KIAA0586: variants seen among roughly 807,000 people sequenced by gnomAD.
KIAA0586 encodes the protein KIAA0586.
Under a neutral mutation model 169.8 loss-of-function variants are expected in KIAA0586, and 144 were observed. The ratio of observed to expected loss-of-function variants is 0.85; its 90% CI spans 0.74 to 0.97. The LOEUF (loss-of-function observed/expected upper bound fraction) is 0.97, where lower values mean the gene tolerates loss of function less well. Ranked by LOEUF, KIAA0586 falls within the 50% of genes least tolerant of loss-of-function variation. The probability of loss-of-function intolerance (pLI) is 0.00; values close to 1 mark genes in which losing one functional copy is unlikely to be tolerated. For missense variants in KIAA0586, 1,854 were observed against 1,823.0 expected (o/e 1.02, Z -0.31); for synonymous variants, 625 against 612.4 (o/e 1.02, Z -0.30).
intron 29 of KIAA0586, among the ~76,000 whole-genome samples, chr14:58,538,430 A>G (rs905311835): frequency 2.0e-5 from 3 of 152,080 alleles, no homozygotes; most frequent in African/African-American, 7.2e-5. Flanking sequence ...TTTTTAGTAT[A>G]AATTTTTTTT....
the KIAA0586 span, among the ~76,000 whole-genome samples, chr14:58,557,901 C>CT: frequency 0.21 from 8,658 of 42,072 alleles, 2,520 homozygotes; most frequent in East Asian, 0.41. Context: ...CCTGAGAAAT[C>CT]TTTTTTTTTT....
chr14:58,511,818 A>G (rs1364161654), intron 28 of KIAA0586, among the ~76,000 whole-genome samples: 1 of 152,140 alleles, frequency 6.6e-6, no homozygotes, highest in Non-Finnish European at 1.5e-5. Flanking sequence ...GTATTTATTG[A>G]TAAGGGTCCA....
intron 8 of KIAA0586, among the ~76,000 whole-genome samples, 165 bp downstream of exon 8, chr14:58,450,911 G>T (rs1398874185): frequency 1.3e-5 from 2 of 151,156 alleles, no homozygotes; most frequent in African/African-American, 2.4e-5. Flanking sequence ...GGGTTTGGAG[G>T]TATACATTTA....
At chr14:58,436,252 G>A (rs2037811698) in intron 4 of KIAA0586, among the ~76,000 whole-genome samples, 1 of 151,812 alleles carries the variant, frequency 6.6e-6, no homozygotes, top group Non-Finnish European at 1.5e-5. Context: ...CACTAACTCA[G>A]AAATTTTTAC....
At chr14:58,543,087 G>T (rs1285192859) in intron 30 of KIAA0586, among the ~76,000 whole-genome samples, 2 of 147,670 alleles carry the variant, frequency 1.4e-5, no homozygotes, top group Admixed American at 6.8e-5. Context: ...AGCCAAGATT[G>T]CGCCACTGCA....
At chr14:58,442,635 T>G in intron 4 of KIAA0586, 71 bp from the exon 5 acceptor site, 5 of 1,119,558 alleles carry the variant, frequency 4.5e-6, no homozygotes, top group Middle Eastern at 2.2e-4. Context: ...CAGATTACCA[T>G]TTGTTAAGTA....
At chr14:58,528,236 C>T (rs1226061653) in intron 29 of KIAA0586, among the ~76,000 whole-genome samples, 1 of 152,172 alleles carries the variant, frequency 6.6e-6, no homozygotes, top group Non-Finnish European at 1.5e-5. Context: ...GAGACTTAGA[C>T]TCCCACACAA....
intron 12 of KIAA0586, among the ~76,000 whole-genome samples, chr14:58,459,539 T>A (rs1000684291): frequency 1.3e-5 from 2 of 152,182 alleles, no homozygotes; most frequent in Non-Finnish European, 2.9e-5. Context: ...AAAATTCATA[T>A]GGTTCAAACA....
chr14:58,451,830 C>T (rs1006824064), intron 8 of KIAA0586, among the ~76,000 whole-genome samples: 33 of 152,008 alleles, frequency 2.2e-4, no homozygotes, highest in South Asian at 2.1e-4. Context: ...ACTACAGGCG[C>T]CCGCCACCAC....
At chr14:58,536,685 A>G (rs2046311359) in intron 29 of KIAA0586, among the ~76,000 whole-genome samples, 1 of 151,904 alleles carries the variant, frequency 6.6e-6, no homozygotes, top group South Asian at 2.1e-4. Flanking sequence ...CAATCCCAGT[A>G]CTCCCTGTGT....
rs1413013409 is a variant in KIAA0586, at chr14:58,487,973, C to T, written c.3391C>T (p.Pro1131Ser). 8 of 1,613,488 alleles carry T rather than the reference C, an allele frequency of 5.0e-6. No homozygotes were observed. The highest frequency in any genetic ancestry group is 5.9e-6 in the Non-Finnish European group (7 of 1,179,776). Residue 1131 changes from proline (P) to serine (S), a missense_variant, in exon 23 of 31, where the codon CCA (proline) becomes TCA (serine). By Grantham distance (74) the Pro-to-Ser change is moderately conservative. Transcript: ENST00000652326. ...TPPPAAAVFT[P>S]TLSDISIDKL... is the part of the protein sequence containing the mutation. ...TCCTCCAGCGGCGGCAGTTTTTACC[C>T]CAACTTTGTCAGATATTTCCATTGA...
chr14:58,428,165 A>G lies in KIAA0586; in HGVS notation c.-100A>G. ...TTTGTGGATGTTCGACATTTTAAAA[A>G]CAGTTATTGCAAAGAGGTGAAAATT... On this transcript the variant is annotated 5_prime_UTR_variant, in exon 1 of 31. Coordinates refer to ENST00000652326, the MANE Select transcript of KIAA0586 (RefSeq NM_001329943.3). 6.7e-6 allele frequency: 10 copies of G among 1,490,848 alleles called. No homozygotes were observed. The highest frequency in any genetic ancestry group is 8.9e-6 in the Non-Finnish European group (10 of 1,123,728). The allele number at this position is 1,490,848 out of a possible 1,614,324, so 92.4% of individuals were successfully genotyped here. A position where few individuals can be genotyped will look rare whatever the true frequency, so the allele number is the denominator to read the frequency against.
At position 58,475,107 on chromosome 14, in the gene KIAA0586, G is replaced by A. The variant is rs149693033; in HGVS notation, c.2825+310G>A. Among the ~76,000 whole-genome samples the A allele has an allele frequency of 2.1e-3, 323 of 152,254 alleles. 3 individuals carry two copies. The highest frequency in any genetic ancestry group is 0.01 in the Middle Eastern group (3 of 294). Reference sequence around the variant, plus strand: ...AACTTATCCTAAAGAAGTAATTATGGTTTGCTGCTAGGCCAGGGCCACGAA... The same window carrying A: ...AACTTATCCTAAAGAAGTAATTATGATTTGCTGCTAGGCCAGGGCCACGAA... On this transcript the variant is annotated intron_variant, in intron 19 of 30. Coordinates refer to ENST00000652326, the MANE Select transcript of KIAA0586 (RefSeq NM_001329943.3).
At chr14:58,542,728 C>T (rs888745767) in intron 30 of KIAA0586, among the ~76,000 whole-genome samples, 2 of 152,124 alleles carry the variant, frequency 1.3e-5, no homozygotes, top group African/African-American at 4.8e-5. Flanking sequence ...AGCCTCATTG[C>T]CTCTTAGATA....
chr14:58,457,429 G>A (rs1308566856), intron 10 of KIAA0586, among the ~76,000 whole-genome samples: 5 of 151,936 alleles, frequency 3.3e-5, no homozygotes, highest in Admixed American at 1.3e-4. Context: ...CACCACACCT[G>A]GCTAATTTTT....
chr14:58,474,036 C>T (rs1398049347), intron 18 of KIAA0586, among the ~76,000 whole-genome samples: 1 of 152,064 alleles, frequency 6.6e-6, no homozygotes, highest in East Asian at 1.9e-4. Flanking sequence ...CTGTGAGGGT[C>T]CAGATGTGTC....
At chr14:58,456,994 TCG>T (rs2039919421) in intron 10 of KIAA0586, among the ~76,000 whole-genome samples, 184 bp downstream of exon 10, 1 of 152,244 alleles carries the variant, frequency 6.6e-6, no homozygotes, top group South Asian at 2.1e-4. Flanking sequence ...TTTCTACTTA[TCG>T]CTCCTTGACC....
At chr14:58,476,213 TAA>T (rs1330289628) in intron 19 of KIAA0586, among the ~76,000 whole-genome samples, 1 of 152,196 alleles carries the variant, frequency 6.6e-6, no homozygotes, top group Non-Finnish European at 1.5e-5. Context: ...ATCAATTTTT[TAA>T]ACTCTTACAT....
Position 58,482,696 on chromosome 14 carries a change from A to C in KIAA0586, c.3128A>C (p.Asn1043Thr). ...GGTGTTTCTGGGGATGCTTCAACAA[A>C]TGAAACATATTTGCCGGTATGGGGA... The part of the protein sequence containing the change: ...ATGVSGDAST[N>T]ETYLPARVCT... The change falls in exon 21 of 31, where the codon AAT (asparagine) becomes ACT (threonine). Residue 1043 changes from asparagine to threonine, a missense_variant. Asn to Thr is a moderately conservative substitution (Grantham distance 65). Coordinates refer to ENST00000652326, the MANE Select transcript of KIAA0586 (RefSeq NM_001329943.3). 6.4e-7 allele frequency: 1 copy of C among 1,567,590 alleles called. No individual in the cohort carries two copies. The highest frequency in any genetic ancestry group is 8.6e-7 in the Non-Finnish European group (1 of 1,160,016).
Sources: gnomAD v4.1 joint callset for allele counts (sites outside exome capture counted in the v4.1 genomes callset) on GRCh38, gnomAD v4.1.1 for gene constraint, MANE v1.5 for transcripts, NCBI Gene and HGNC (gene_info 2026-07-23, HGNC 2026-07-21) for gene names.